Variants in CEP152 observed in about 807,000 individuals in gnomAD.
CEP152 encodes centrosomal protein 152.
Under a neutral mutation model 188.9 loss-of-function variants are expected in CEP152, and 132 were observed. That is an observed-to-expected ratio of 0.70 (90% CI 0.61 to 0.81). The LOEUF (loss-of-function observed/expected upper bound fraction) is 0.81, where lower values mean the gene tolerates loss of function less well. Among genes scored for constraint, CEP152 ranks in the 30% least tolerant of loss-of-function variants. CEP152 has a pLI of 0.00. For synonymous variants in CEP152, 649 were observed against 666.6 expected, an observed-to-expected ratio of 0.97 and a Z score of 0.41; for missense variants, 1,914 against 1,969.8, an observed-to-expected ratio of 0.97 and a Z score of 0.54.
intron 26 of CEP152, among the ~76,000 whole-genome samples, chr15:48,739,581 G>T (rs1892815139): frequency 6.6e-6 from 1 of 152,084 alleles, no homozygotes; most frequent in Non-Finnish European, 1.5e-5. Flanking sequence ...TTCTGCAATA[G>T]ATGTTATAGC....
chr15:48,738,445 T>C lies in CEP152; in HGVS notation c.4937A>G (p.Tyr1646Cys), dbSNP rs373148073. Residue 1646 changes from tyrosine (Y) to cysteine (C), a missense_variant, in exon 27 of 27, where the codon TAT (tyrosine) becomes TGT (cysteine). Coordinates refer to ENST00000380950, the MANE Select transcript of CEP152 (RefSeq NM_001194998.2). ...QTPYLSEETT[Y>C]LEPGKISVNC... ...CACACTGATCTTTCCTGGCTCCAAA[T>C]ACGTGGTTTCTTCTGACAGGTATGG... 92 of 1,614,112 alleles carry C rather than the reference T, an allele frequency of 5.7e-5. No individual in the cohort carries two copies. The highest frequency in any genetic ancestry group is 7.4e-5 in the Non-Finnish European group (87 of 1,180,030).
intron 12 of CEP152, among the ~76,000 whole-genome samples, chr15:48,776,254 C>G (rs913063212): frequency 2.6e-5 from 4 of 151,872 alleles, no homozygotes; most frequent in Non-Finnish European, 4.4e-5. Flanking sequence ...ATTTAAAAAG[C>G]AAAATAAAAC....
intron 12 of CEP152, among the ~76,000 whole-genome samples, chr15:48,779,149 T>C (rs1896101578): frequency 6.6e-6 from 1 of 152,118 alleles, no homozygotes. Context: ...TGGAGAAAAA[T>C]CTTTTTTGTC....
In CEP152 at chr15:48,797,942, G is replaced by A. The variant is rs752016020; in HGVS notation, c.191+6C>T. ...TATACAAGTGAAAGTGACTTCAGGT[G>A]CTTACTGTCCGTCTGTGCCATCCTC... On this transcript the variant is annotated splice_donor_region_variant and intron_variant, in intron 3 of 26. Coordinates refer to ENST00000380950, the MANE Select transcript of CEP152 (RefSeq NM_001194998.2). 7.4e-6 allele frequency: 12 copies of A among 1,611,098 alleles called. No individual in the cohort carries two copies. The highest frequency in any genetic ancestry group is 3.3e-5 in the South Asian group (3 of 90,942).
intron 22 of CEP152, among the ~76,000 whole-genome samples, chr15:48,747,480 T>C (rs1893532252): frequency 6.6e-6 from 1 of 151,918 alleles, no homozygotes; most frequent in Non-Finnish European, 1.5e-5. Flanking sequence ...ATGGTAATGG[T>C]GATAATAGAG....
chr15:48,748,527 C>A lies in CEP152; in HGVS notation c.3550G>T (p.Asp1184Tyr). The A allele has an allele frequency of 6.5e-7, 1 of 1,534,856 alleles. No individual in the cohort carries two copies. Among genetic ancestry groups the A allele is most frequent in the Non-Finnish European group, 8.7e-7 (1 of 1,146,246 alleles). ...ELEKAKQECQDLKGKLEKCCR... is the reference protein window; with the variant it reads ...ELEKAKQECQYLKGKLEKCCR... ...CATTTCTCCAGTTTTCCTTTCAGAT[C>A]TTGACATTCCTGCTTTGCCTTTTCA... Residue 1184 changes from aspartate (D) to tyrosine (Y), a missense_variant, in exon 22 of 27, where the codon GAT (aspartate) becomes TAT (tyrosine). Asp to Tyr is a radical substitution (Grantham distance 160, BLOSUM62 -3). Coordinates refer to ENST00000380950, the MANE Select transcript of CEP152 (RefSeq NM_001194998.2).
intron 10 of CEP152, 196 bp downstream of exon 10, chr15:48,783,775 GTA>G (rs10652796): frequency 6.2e-3 from 1,120 of 179,764 alleles, no homozygotes; most frequent in Non-Finnish European, 9.8e-3. Flanking sequence ...ATGTGTGTAT[GTA>G]TATATATATA....
intron 20 of CEP152, 121 bp from the exon 21 acceptor site, chr15:48,752,590 T>C: frequency 6.9e-7 from 1 of 1,458,632 alleles, no homozygotes; most frequent in Non-Finnish European, 9.1e-7. Context: ...TTGCCTGAAC[T>C]ATCTATCGCC....
chr15:48,778,641 G>C (rs1304937051), intron 12 of CEP152, among the ~76,000 whole-genome samples: 1 of 152,028 alleles, frequency 6.6e-6, no homozygotes, highest in South Asian at 2.1e-4. Flanking sequence ...ATTATCTATA[G>C]GAATGTGCTT....
At chr15:48,747,079 C>T (rs964899745) in intron 22 of CEP152, among the ~76,000 whole-genome samples, 2 of 152,124 alleles carry the variant, frequency 1.3e-5, no homozygotes, top group Admixed American at 6.5e-5. Context: ...TGGTTTTATA[C>T]TGAAGGCCAT....
rs1892783220 is a variant in CEP152, at chr15:48,739,165, A to C, written c.4217T>G (p.Leu1406Arg). 8 of 1,614,218 alleles carry C rather than the reference A, an allele frequency of 5.0e-6. No homozygotes were observed. The East Asian group carries it at 1.8e-4, about 36-fold the overall frequency. ...CCTCCTCTTGGGAGCTTGTTCGCAC[A>C]GAGTTCTGGTGATGGTGTTTACACT... ...SNSVNTITRT[L>R]CEQAPKRRAA... The change falls in exon 27 of 27, where the codon CTG becomes CGG. Residue 1406 changes from leucine to arginine, a missense_variant. Transcript: ENST00000380950.
chr15:48,731,439 G>T (rs886371377), intron 2 of CEP152, among the ~76,000 whole-genome samples: 9 of 152,118 alleles, frequency 5.9e-5, no homozygotes, highest in African/African-American at 2.2e-4. Flanking sequence ...ATGGGGAAAG[G>T]ATCTCCTATT....
intron 21 of CEP152, among the ~76,000 whole-genome samples, chr15:48,750,589 G>A (rs1409232608): frequency 1.3e-5 from 2 of 151,928 alleles, no homozygotes; most frequent in Admixed American, 6.6e-5. Flanking sequence ...ATTGGAACTC[G>A]TGCAAATACC....
chr15:48,752,313 A>G (rs781761580), intron 21 of CEP152, 36 bp downstream of exon 21: 4 of 1,614,000 alleles, frequency 2.5e-6, no homozygotes, highest in African/African-American at 1.3e-5. Flanking sequence ...GTGATTATGG[A>G]TGCTACAAAG....
At chr15:48,734,713 A>C (rs1267140100), downstream of CEP152, among the ~76,000 whole-genome samples, 1 of 152,186 alleles carries the variant, frequency 6.6e-6, no homozygotes, top group Non-Finnish European at 1.5e-5. Flanking sequence ...ATCATAAGAG[A>C]GCTGCAGTGG....
chr15:48,793,347 A>C lies in CEP152; in HGVS notation c.806T>G (p.Leu269Arg). 1 of 1,614,020 alleles carries C rather than the reference A, an allele frequency of 6.2e-7. No individual in the cohort carries two copies. The highest frequency in any genetic ancestry group is 1.1e-5 in the South Asian group (1 of 91,082). ...TTTTATTATTACAAGCTGGTGATTC[A>C]GATATCGAATTTGACGTTCACTTTC... is the stretch of plus-strand genomic sequence containing the variant. ...LNESERQIRY[L>R]NHQLVIIKDE... is the part of the protein sequence containing the mutation. The change falls in exon 7 of 27, where the codon CTG becomes CGG. Residue 269 changes from leucine to arginine, a missense_variant. Physicochemically the swap from Leu to Arg is moderately radical, Grantham distance 102. Coordinates refer to ENST00000380950, the MANE Select transcript of CEP152 (RefSeq NM_001194998.2).
rs746401105 is a variant in CEP152, at chr15:48,756,406, C to G, written c.2842G>C (p.Val948Leu). 1.9e-6 allele frequency: 3 copies of G among 1,612,718 alleles called. No individual in the cohort carries two copies. In the Admixed American group the frequency reaches 5.0e-5, roughly 27 times the overall value. Residue 948 changes from valine (V) to leucine (L), a missense_variant, in exon 20 of 27, where the codon GTC (valine) becomes CTC (leucine). Coordinates refer to ENST00000380950, the MANE Select transcript of CEP152 (RefSeq NM_001194998.2). ...GCCTTAGCTAACTCAGCCCTGATGA[C>G]CACAGGGACTTCTTCGTTCTTTAAC... The part of the protein sequence containing the change: ...LELKNEEVPV[V>L]IRAELAKARS...
chr15:48,766,938 G>T, intron 17 of CEP152, 122 bp downstream of exon 17: 1 of 1,323,000 alleles, frequency 7.6e-7, no homozygotes, highest in Non-Finnish European at 1.1e-6. Flanking sequence ...ACAGCCAAAA[G>T]TAAAGAGAAC....
chr15:48,750,070 A>G lies in CEP152; in HGVS notation c.3467-1460T>C, dbSNP rs149022674. Among the ~76,000 whole-genome samples the G allele has an allele frequency of 3.8e-3, 583 of 152,254 alleles. 13 individuals are homozygous for G. The highest frequency in any genetic ancestry group is 0.029 in the Admixed American group (445 of 15,286). On this transcript the variant is annotated intron_variant, in intron 21 of 26. Transcript: ENST00000380950. ...AATATTCACATACACATATATACATAAGAGCACAAAATGGAGTAAAATGTT... is the reference window on the plus strand; with the variant it reads ...AATATTCACATACACATATATACATGAGAGCACAAAATGGAGTAAAATGTT...
Sources: gnomAD v4.1 joint callset for allele counts (sites outside exome capture counted in the v4.1 genomes callset) on GRCh38, gnomAD v4.1.1 for gene constraint, MANE v1.5 for transcripts, NCBI Gene and HGNC (gene_info 2026-07-23, HGNC 2026-07-21) for gene names.